Variants in BICD1 observed in about 807,000 individuals in gnomAD.
BICD1 encodes the protein BICD cargo adaptor 1, also known as protein bicaudal D homolog 1.
BICD1 carries 35 observed loss-of-function variants against 92.5 expected under a neutral mutation model. The observed-to-expected ratio is 0.38, with a 90% CI of 0.29 to 0.50. The LOEUF (loss-of-function observed/expected upper bound fraction) is 0.50. Ranked by LOEUF, BICD1 falls within the 20% of genes least tolerant of loss-of-function variation. BICD1 has a pLI of 0.93. For synonymous variants in BICD1, 429 were observed against 465.1 expected, an observed-to-expected ratio of 0.92 and a Z score of 1.00; for missense variants, 950 against 1,189.8, an observed-to-expected ratio of 0.80 and a Z score of 2.97.
intron 2 of BICD1, among the ~76,000 whole-genome samples, chr12:32,223,811 G>A (rs567469896): frequency 6.6e-6 from 1 of 152,232 alleles, no homozygotes; most frequent in East Asian, 1.9e-4. Context: ...CCACTGTGGG[G>A]TTACTAATTG....
intron 4 of BICD1, among the ~76,000 whole-genome samples, chr12:32,308,046 C>T (rs1466175930): frequency 6.6e-6 from 1 of 152,174 alleles, no homozygotes; most frequent in East Asian, 1.9e-4. Context: ...TGGCTGAAAG[C>T]TCAGAGCTGT....
intron 2 of BICD1, among the ~76,000 whole-genome samples, chr12:32,248,636 A>G (rs1420090769): frequency 6.6e-6 from 1 of 152,198 alleles, no homozygotes; most frequent in African/African-American, 2.4e-5. Context: ...CTAAGTTAGA[A>G]GAGGGTGGGG....
intron 2 of BICD1, among the ~76,000 whole-genome samples, chr12:32,282,199 C>CTTTTTTTTTTTTTTTTTTTT (rs1565639578): frequency 1.4e-5 from 1 of 68,994 alleles, no homozygotes; most frequent in African/African-American, 5.5e-5. Flanking sequence ...TTCAGGTCTT[C>CTTTTTTTTTTTTTTTTTTTT]TTCTTTTTTT....
chr12:32,228,000 G>A (rs1385059256), intron 2 of BICD1: 1 of 240,398 alleles, frequency 4.2e-6, no homozygotes, highest in Admixed American at 3.9e-5. Context: ...TCGGTAAGGG[G>A]TAAGGTAGAC....
At chr12:32,282,202 CTTTTTTTTTTTTTTTTTTTTTTT>C (rs56217529) in intron 2 of BICD1, among the ~76,000 whole-genome samples, 4 of 94,236 alleles carry the variant, frequency 4.2e-5, no homozygotes, top group Admixed American at 2.6e-4. Flanking sequence ...AGGTCTTCTT[CTTTTTTTTTTTTTTTTTTTTTTT>C]TTTTTTTTTT....
At chr12:32,202,602 A>G (rs989630398) in intron 1 of BICD1, among the ~76,000 whole-genome samples, 2 of 151,948 alleles carry the variant, frequency 1.3e-5, no homozygotes, top group African/African-American at 4.8e-5. Context: ...TTCAAAGTTT[A>G]TTGTTTATTT....
chr12:32,178,148 T>C (rs1944171514), intron 1 of BICD1, among the ~76,000 whole-genome samples: 1 of 151,922 alleles, frequency 6.6e-6, no homozygotes, highest in African/African-American at 2.4e-5. Flanking sequence ...ATATAAGATT[T>C]AGTCAAATCT....
rs557256140 is a variant in BICD1, at chr12:32,114,431, G to A, written c.213+6887G>A. On this transcript the variant is annotated intron_variant, in intron 1 of 9. Transcript: ENST00000652176. ...GGGTCTCATTTTGTCACCTAGGCTG[G>A]AGTACAGTGGTGTGATCGTGGCTTA... is the stretch of plus-strand genomic sequence containing the variant. Among the ~76,000 whole-genome samples, 26 of 152,158 alleles carry A rather than the reference G, an allele frequency of 1.7e-4. No homozygotes were observed. The South Asian group carries it at 5.0e-3, about 29-fold the overall frequency.
chr12:32,378,611 A>T lies in BICD1; in HGVS notation c.*984A>T, dbSNP rs1396824267. 1 of 152,208 alleles carries T rather than the reference A, an allele frequency of 6.6e-6. No individual in the cohort carries two copies. Among genetic ancestry groups the T allele is most frequent in the Non-Finnish European group, 1.5e-5 (1 of 68,020 alleles). 9.4% of individuals were successfully genotyped at this position (152,208 alleles called of 1,614,324 possible). ...GGTCCTACTGAGTCTTTCCTGATAAAAGGTATCAAGTACAAATGGGAAAAT... is the reference window on the plus strand; with the variant it reads ...GGTCCTACTGAGTCTTTCCTGATAATAGGTATCAAGTACAAATGGGAAAAT... On this transcript the variant is annotated 3_prime_UTR_variant, in exon 10 of 10. Transcript: ENST00000652176.
chr12:32,232,006 G>C (rs1309402448), intron 2 of BICD1, among the ~76,000 whole-genome samples: 18 of 150,850 alleles, frequency 1.2e-4, no homozygotes, highest in African/African-American at 4.4e-4. Context: ...ATTTGGGTTG[G>C]TTCCAAGTCT....
At chr12:32,199,871 G>A (rs549474672) in intron 1 of BICD1, among the ~76,000 whole-genome samples, 4 of 152,116 alleles carry the variant, frequency 2.6e-5, no homozygotes, top group African/African-American at 9.6e-5. Context: ...ATCCTAAATG[G>A]GTCCTGTTAA....
chr12:32,201,134 A>C (rs1296421590), intron 1 of BICD1, among the ~76,000 whole-genome samples: 1 of 152,214 alleles, frequency 6.6e-6, no homozygotes, highest in Non-Finnish European at 1.5e-5. Context: ...AGTATGAAAT[A>C]ACTTTTTTCC....
intron 2 of BICD1, among the ~76,000 whole-genome samples, chr12:32,218,179 G>A (rs141795629): frequency 2.5e-3 from 378 of 152,286 alleles, no homozygotes; most frequent in African/African-American, 7.2e-3. Context: ...ACACAGCCAC[G>A]CTTGAAGGCA....
At chr12:32,120,987 G>A (rs914989108) in intron 1 of BICD1, among the ~76,000 whole-genome samples, 1 of 46,574 alleles carries the variant, frequency 2.1e-5, no homozygotes, top group Non-Finnish European at 4.3e-5. Context: ...TTTTTTTTTT[G>A]AGACGGAGTC....
chr12:32,205,791 C>G (rs139113649), intron 1 of BICD1, among the ~76,000 whole-genome samples: 7 of 150,154 alleles, frequency 4.7e-5, no homozygotes, highest in African/African-American at 9.8e-5. Flanking sequence ...ATCCATGACT[C>G]TCTAAAGTAT....
intron 4 of BICD1, among the ~76,000 whole-genome samples, chr12:32,322,186 T>G (rs565993524): frequency 1.6e-4 from 25 of 152,054 alleles, no homozygotes; most frequent in South Asian, 1.0e-3. Context: ...GAGAAATATA[T>G]ATAGATAGAT....
intron 8 of BICD1, among the ~76,000 whole-genome samples, chr12:32,348,885 C>A (rs1938751199): frequency 6.6e-6 from 1 of 151,654 alleles, no homozygotes; most frequent in Non-Finnish European, 1.5e-5. Context: ...CCAGTAACAA[C>A]AAACTAGTCT....
At chr12:32,140,995 G>A (rs1195590620) in intron 1 of BICD1, among the ~76,000 whole-genome samples, 1 of 152,190 alleles carries the variant, frequency 6.6e-6, no homozygotes, top group African/African-American at 2.4e-5. Context: ...ACACATTGGA[G>A]GACTTTGTAC....
Position 32,155,904 on chromosome 12 carries a change from A to C in BICD1, c.213+48360A>C, listed in dbSNP as rs1004811287. Reference sequence around the variant, plus strand: ...CAGGCAAGATGTACCAGGCCTTTCCAGTGATCCCAGCCCACCTGGACATAT... The same window carrying C: ...CAGGCAAGATGTACCAGGCCTTTCCCGTGATCCCAGCCCACCTGGACATAT... On this transcript the variant is annotated intron_variant, in intron 1 of 9. Coordinates refer to ENST00000652176, the MANE Select transcript of BICD1 (RefSeq NM_001714.4). 3.9e-5 allele frequency among the ~76,000 whole-genome samples: 6 copies of C among 152,336 alleles called. No individual in the cohort carries two copies. The South Asian group carries it at 1.0e-3, about 26-fold the overall frequency.
Sources: allele counts gnomAD v4.1 joint callset (sites outside exome capture counted in the v4.1 genomes callset), GRCh38; gene constraint gnomAD v4.1.1; transcripts MANE v1.5; gene names NCBI Gene and HGNC (gene_info 2026-07-23, HGNC 2026-07-21).